The following EP400 variants were observed in gnomAD, a reference collection of about 807,000 sequenced individuals.
The protein encoded by EP400 is E1A binding protein p400, also known as E1A-binding protein p400.
Under a neutral mutation model 354.1 loss-of-function variants are expected in EP400, and 105 were observed. The observed-to-expected ratio is 0.30, with a 90% CI of 0.25 to 0.35. EP400 has a LOEUF of 0.35. Ranked by LOEUF, EP400 falls within the 10% of genes least tolerant of loss-of-function variation. The probability of loss-of-function intolerance (pLI) is 1.00; values close to 1 mark genes in which losing one functional copy is unlikely to be tolerated. For missense variants in EP400, 3,280 were observed against 4,121.0 expected, an observed-to-expected ratio of 0.80 and a Z score of 5.59; for synonymous variants, 1,646 against 1,716.9, an observed-to-expected ratio of 0.96 and a Z score of 1.02.
chr12:132,050,361 T>C lies in EP400; in HGVS notation c.7239T>C (p.Tyr2413=), dbSNP rs750388535. Residue 2413 remains tyrosine, a synonymous_variant, in exon 40 of 53, where the codon TAT becomes TAC. Coordinates refer to ENST00000389561, the MANE Select transcript of EP400 (RefSeq NM_015409.5). This position sits in a 1 kb window ranked among gnomAD's most constrained non-coding sequence, Gnocchi z 4.8. ...NNRPLRTSQI[Y]AQDENATHTQ... is the part of the protein sequence containing the mutation. The stretch of plus-strand genomic sequence containing the variant: ...GTCCTCTCCGTACGAGCCAGATCTA[T>C]GCCCAGGATGAGAATGCCACACACA... The C allele has an allele frequency of 3.1e-6, 5 of 1,614,180 alleles. No homozygotes were observed. Among genetic ancestry groups the C allele is most frequent in the Non-Finnish European group, 4.2e-6 (5 of 1,180,036 alleles).
Position 131,981,551 on chromosome 12 carries a change from G to A in EP400, c.1498G>A (p.Ala500Thr), listed in dbSNP as rs1185187979. ...AGGGGTAGTTTTCCAGCACCCAGGGGCGGACGCAGGCGTTCCTCTCCAGCA... is the reference window on the plus strand; with the variant it reads ...AGGGGTAGTTTTCCAGCACCCAGGGACGGACGCAGGCGTTCCTCTCCAGCA... ...HQGVVFQHPG[A>T]DAGVPLQQLM... The change falls in exon 4 of 53, where the codon GCG becomes ACG. Residue 500 changes from alanine (A) to threonine (T), a missense_variant. This residue lies in a region of EP400 where 800 missense variants were observed against 840.0 expected (regional missense o/e 0.95). Transcript: ENST00000389561. 2 of 1,601,826 alleles carry A rather than the reference G, an allele frequency of 1.2e-6. No homozygotes were observed. Among genetic ancestry groups the A allele is most frequent in the Non-Finnish European group, 1.7e-6 (2 of 1,174,636 alleles).
At position 132,050,246 on chromosome 12, in the gene EP400, C is replaced by T; in HGVS notation, c.7201-77C>T. 6.5e-7 allele frequency: 1 copy of T among 1,545,944 alleles called. No homozygotes were observed. Among genetic ancestry groups the T allele is most frequent in the Admixed American group, 1.9e-5 (1 of 53,186 alleles). On this transcript the variant is annotated intron_variant, in intron 39 of 52. Coordinates refer to ENST00000389561, the MANE Select transcript of EP400 (RefSeq NM_015409.5). The surrounding 1 kb of genome is among the most constrained non-coding windows in gnomAD (Gnocchi z 4.8). ...GGGGAGTTTAGCCTCAGATTCCCAC[C>T]CAGTGAGCCCTGTGTCCCACGCAGC...
chr12:132,065,400 G>A (rs545099086), intron 48 of EP400: 14 of 161,790 alleles, frequency 8.7e-5, no homozygotes, highest in Admixed American at 2.8e-4. Context: ...GGCAGGCAGC[G>A]TCACTGCACC....
chr12:131,986,916 A>G (rs767877707), intron 6 of EP400, 109 bp downstream of exon 6: 14 of 1,316,996 alleles, frequency 1.1e-5, no homozygotes, highest in Non-Finnish European at 1.5e-5. Flanking sequence ...TCAATTCAGC[A>G]TGGCTTGGGA....
chr12:132,007,445 A>G (rs2035236735), intron 15 of EP400, among the ~76,000 whole-genome samples: 1 of 152,084 alleles, frequency 6.6e-6, no homozygotes, highest in South Asian at 2.1e-4. Flanking sequence ...CACCCTCCTG[A>G]CACTTCTAGC....
In EP400 at chr12:131,960,762, C is replaced by A; in HGVS notation, c.143C>A (p.Pro48Gln). The change falls in exon 2 of 53, where the codon CCG (proline) becomes CAG (glutamine). Residue 48 changes from proline (P) to glutamine (Q), a missense_variant. Around this residue, in one of 20 missense-constraint regions of EP400, gnomAD observed 172 missense variants for 242.9 expected, o/e 0.71. Coordinates refer to ENST00000389561, the MANE Select transcript of EP400 (RefSeq NM_015409.5). ...GCTCCCTTCGCTCCCTCAGCAAGCC[C>A]GTCGGCACCCCAGTCTCCCAGTTAT... ...PAAPFAPSAS[P>Q]SAPQSPSYQI... 2.5e-6 allele frequency: 4 copies of A among 1,611,734 alleles called. No homozygotes were observed. Among genetic ancestry groups the A allele is most frequent in the Non-Finnish European group, 3.4e-6 (4 of 1,179,704 alleles).
intron 15 of EP400, among the ~76,000 whole-genome samples, chr12:132,007,339 G>A (rs1021316596): frequency 2.6e-5 from 4 of 152,196 alleles, no homozygotes; most frequent in African/African-American, 9.7e-5. Flanking sequence ...CTGTCAATGG[G>A]GCAGCGTTTC....
At chr12:132,015,060 C>A (rs956609232) in intron 19 of EP400, among the ~76,000 whole-genome samples, 2 of 152,250 alleles carry the variant, frequency 1.3e-5, no homozygotes, top group African/African-American at 4.8e-5. Flanking sequence ...ATGGGCTCGC[C>A]AGGGTTCTGT....
At chr12:131,962,323 G>A (rs1027132337) in intron 2 of EP400, among the ~76,000 whole-genome samples, 16 of 152,210 alleles carry the variant, frequency 1.1e-4, no homozygotes, top group African/African-American at 3.6e-4. Context: ...GACGCTGACA[G>A]CTGTCACCAG....
intron 12 of EP400, among the ~76,000 whole-genome samples, chr12:131,998,282 G>A (rs938046685): frequency 1.3e-5 from 2 of 152,182 alleles, no homozygotes; most frequent in Non-Finnish European, 2.9e-5. Context: ...TCAGAAACAT[G>A]CTAGAATCAG....
At position 132,030,021 on chromosome 12, in the gene EP400, A is replaced by C. The variant is rs376645502; in HGVS notation, c.5617A>C (p.Lys1873Gln). 1 of 1,614,260 alleles carries C rather than the reference A, an allele frequency of 6.2e-7. No homozygotes were observed. The highest frequency in any genetic ancestry group is 1.3e-5 in the African/African-American group (1 of 75,078). Residue 1873 changes from lysine (K) to glutamine (Q), a missense_variant, in exon 29 of 53, where the codon AAA becomes CAA. Physicochemically the swap from Lys to Gln is moderately conservative, Grantham distance 53. Transcript: ENST00000389561. ...KLEALAILLQKLKSEGRRVLI... is the reference protein window; with the variant it reads ...KLEALAILLQQLKSEGRRVLI... ...GGAAGCTTTAGCTATCTTGCTTCAG[A>C]AATTGAAATCTGAAGGACGTCGGGT...
rs1593360471 is a variant in EP400, at chr12:132,031,986, A to G, written c.5788A>G (p.Ile1930Val). 3.7e-6 allele frequency: 6 copies of G among 1,613,180 alleles called. No individual in the cohort carries two copies. The highest frequency in any genetic ancestry group is 1.1e-5 in the South Asian group (1 of 91,002). The change falls in exon 30 of 53, where the codon ATT becomes GTT. Residue 1930 changes from isoleucine (I) to valine (V), a missense_variant. By Grantham distance (29) the Ile-to-Val change is conservative. This residue lies in a region of EP400 where 459 missense variants were observed against 496.9 expected (regional missense o/e 0.92). Coordinates refer to ENST00000389561, the MANE Select transcript of EP400 (RefSeq NM_015409.5). ...GAGGAGTTTCAACAGAGACAGGCGG[A>G]TTTTTTGTGCCATTCTCTCCACTCA... ...LMRSFNRDRR[I>V]FCAILSTHSR...
At chr12:132,004,577 A>G (rs912572589) in intron 12 of EP400, among the ~76,000 whole-genome samples, 2 of 152,136 alleles carry the variant, frequency 1.3e-5, no homozygotes, top group African/African-American at 2.4e-5. Flanking sequence ...TTATTAGTCT[A>G]TACTGTTACT....
Position 131,979,738 on chromosome 12 carries a change from A to G in EP400, c.1380A>G (p.Thr460=), listed in dbSNP as rs1265604501. Residue 460 remains threonine, a synonymous_variant, in exon 3 of 53, where the codon ACA becomes ACG. Coordinates refer to ENST00000389561, the MANE Select transcript of EP400 (RefSeq NM_015409.5). ...AGSLVAGAGS[T]VETDLFKRQQ... ...GCCTGGTAGCAGGGGCCGGAAGCAC[A>G]GTAGAGACGGACCTGTTTAAGAGGC... The G allele has an allele frequency of 6.2e-7, 1 of 1,610,738 alleles. No homozygotes were observed. Among genetic ancestry groups the G allele is most frequent in the Admixed American group, 1.7e-5 (1 of 59,552 alleles).
chr12:131,966,359 G>C (rs1230370230), intron 2 of EP400, among the ~76,000 whole-genome samples: 4 of 151,974 alleles, frequency 2.6e-5, no homozygotes, highest in Non-Finnish European at 4.4e-5. Flanking sequence ...GATTACCTGA[G>C]GTCAGTAGAG....
At chr12:131,950,587 T>C (rs1891436974) in intron 1 of EP400, among the ~76,000 whole-genome samples, 1 of 151,856 alleles carries the variant, frequency 6.6e-6, no homozygotes, top group Non-Finnish European at 1.5e-5. Flanking sequence ...TACAGTGAGG[T>C]CCGAATCCGC....
At chr12:131,972,815 T>G (rs1593317440) in intron 2 of EP400, among the ~76,000 whole-genome samples, 1 of 140,586 alleles carries the variant, frequency 7.1e-6, no homozygotes, top group East Asian at 2.4e-4. Flanking sequence ...CACTACAGCC[T>G]CTGCCTCCCA....
chr12:131,967,274 G>A (rs946869185), intron 2 of EP400, among the ~76,000 whole-genome samples: 6 of 151,272 alleles, frequency 4.0e-5, no homozygotes, highest in African/African-American at 4.9e-5. Flanking sequence ...CCAACTACTC[G>A]GGAGGCTGAG....
At position 132,070,050 on chromosome 12, in the gene EP400, T is replaced by C. The variant is rs1384616496; in HGVS notation, c.9021+409T>C. Among the ~76,000 whole-genome samples, 1 of 152,214 alleles carries C rather than the reference T, an allele frequency of 6.6e-6. No individual in the cohort carries two copies. The highest frequency in any genetic ancestry group is 2.4e-5 in the African/African-American group (1 of 41,444). ...AGAACTGAGTTCCTGATTTCATGTG[T>C]GCAGTGTGCCCTCCCGTCTTCCTCT... is the stretch of plus-strand genomic sequence containing the variant. On this transcript the variant is annotated intron_variant, in intron 51 of 52. Transcript: ENST00000389561. This position sits in a 1 kb window ranked among gnomAD's most constrained non-coding sequence, Gnocchi z 4.1.
Sources: gnomAD v4.1 joint callset for allele counts (sites outside exome capture counted in the v4.1 genomes callset) on GRCh38, gnomAD v4.1.1 for gene constraint, gnomAD v4.1.1 regional missense constraint, Gnocchi (gnomAD v3.1) non-coding constraint, MANE v1.5 for transcripts, NCBI Gene and HGNC (gene_info 2026-07-23, HGNC 2026-07-21) for gene names.